Variants in KAT2B observed in about 807,000 individuals in gnomAD.
KAT2B encodes histone acetyltransferase KAT2B.
Under a neutral mutation model 105.9 loss-of-function variants are expected in KAT2B, and 36 were observed. That is an observed-to-expected ratio of 0.34 (90% CI 0.26 to 0.45). The LOEUF (loss-of-function observed/expected upper bound fraction) is 0.45, where lower values mean the gene tolerates loss of function less well. Ranked by LOEUF, KAT2B falls within the 20% of genes least tolerant of loss-of-function variation. The pLI is 1.00. For synonymous variants in KAT2B, 397 were observed against 377.9 expected (o/e 1.05, Z -0.59); for missense variants, 820 against 1,021.6 (o/e 0.80, Z 2.69).
chr3:20,129,641 G>A (rs959920032), intron 11 of KAT2B, among the ~76,000 whole-genome samples: 1 of 152,124 alleles, frequency 6.6e-6, no homozygotes, highest in African/African-American at 2.4e-5. Flanking sequence ...CTCCCCAAGT[G>A]CTGAGATTAC....
intron 5 of KAT2B, among the ~76,000 whole-genome samples, chr3:20,102,972 C>G (rs997016217): frequency 2.6e-5 from 4 of 152,190 alleles, no homozygotes; most frequent in Non-Finnish European, 4.4e-5. Context: ...TGACATTGAC[C>G]TAGTTTCATG....
chr3:20,065,882 A>G (rs1019985848), intron 1 of KAT2B, among the ~76,000 whole-genome samples: 3 of 152,208 alleles, frequency 2.0e-5, no homozygotes, highest in African/African-American at 4.8e-5. Context: ...AGTCTAGTGC[A>G]CCAATATCCA....
rs185232153 is a variant in KAT2B, at chr3:20,063,655, G to T, written c.304-8678G>T. Among the ~76,000 whole-genome samples, 99 of 145,288 alleles carry T rather than the reference G, an allele frequency of 6.8e-4. No homozygotes were observed. In the East Asian group the frequency reaches 0.014, roughly 21 times the overall value. On this transcript the variant is annotated intron_variant, in intron 1 of 17. Transcript: ENST00000263754. The stretch of plus-strand genomic sequence containing the variant: ...CCTCCCAGGTTCAAGCAATTCTCCT[G>T]CCTCAGCCTCCCAAGTAGCTGGGAT...
intron 2 of KAT2B, among the ~76,000 whole-genome samples, chr3:20,076,435 G>T (rs1419509549): frequency 1.3e-5 from 2 of 152,084 alleles, no homozygotes; most frequent in Admixed American, 6.6e-5. Flanking sequence ...TGGAATTATT[G>T]TTGGAATGCC....
At chr3:20,053,992 C>T (rs891464436) in intron 1 of KAT2B, among the ~76,000 whole-genome samples, 8 of 152,004 alleles carry the variant, frequency 5.3e-5, no homozygotes, top group African/African-American at 1.9e-4. Flanking sequence ...GAGATGGGGT[C>T]TCGCCATGTT....
At chr3:20,069,001 A>G (rs890151656) in intron 1 of KAT2B, among the ~76,000 whole-genome samples, 2 of 152,204 alleles carry the variant, frequency 1.3e-5, no homozygotes, top group African/African-American at 2.4e-5. Context: ...CTGACTCTAC[A>G]AAATCTTAGT....
Position 20,044,553 on chromosome 3 carries a change from C to T in KAT2B, c.303+3773C>T, listed in dbSNP as rs1290038021. Among the ~76,000 whole-genome samples, 7 of 152,104 alleles carry T rather than the reference C, an allele frequency of 4.6e-5. No individual in the cohort carries two copies. The East Asian group carries it at 5.8e-4, about 13-fold the overall frequency. On this transcript the variant is annotated intron_variant, in intron 1 of 17. Coordinates refer to ENST00000263754, the MANE Select transcript of KAT2B (RefSeq NM_003884.5). The stretch of plus-strand genomic sequence containing the variant: ...GCTACTGCTATCTGTGGCTCCTTAT[C>T]GAGGGTTCAGGCACATGGTTTCCTT...
intron 7 of KAT2B, 137 bp downstream of exon 7, chr3:20,115,125 A>G: frequency 3.3e-6 from 2 of 610,286 alleles, no homozygotes; most frequent in Non-Finnish European, 5.8e-6. Context: ...CTATTTTCAA[A>G]CCCAATTATA....
At chr3:20,065,727 A>T (rs992965782) in intron 1 of KAT2B, among the ~76,000 whole-genome samples, 2 of 151,788 alleles carry the variant, frequency 1.3e-5, no homozygotes, top group African/African-American at 4.8e-5. Context: ...TGAAACAAGT[A>T]AGGAAAACTC....
Position 20,122,804 on chromosome 3 carries a change from G to A in KAT2B, c.1413G>A (p.Glu471=). Residue 471 remains glutamate (E), a splice_region_variant and synonymous_variant, in exon 9 of 18, where the codon GAG becomes GAA. Transcript: ENST00000263754. ...ITDPAAMLGP[E]TNFLSAHSAR... ...ACCCTGCAGCAATGCTTGGACCAGA[G>A]GTCAGCAGGGTAAACCTGGGCAGCC... 1 of 1,609,476 alleles carries A rather than the reference G, an allele frequency of 6.2e-7. No homozygotes were observed. Among genetic ancestry groups the A allele is most frequent in the Non-Finnish European group, 8.5e-7 (1 of 1,177,096 alleles).
chr3:20,129,760 A>G (rs1699476416), intron 11 of KAT2B, among the ~76,000 whole-genome samples: 1 of 152,182 alleles, frequency 6.6e-6, no homozygotes, highest in African/African-American at 2.4e-5. Context: ...AGTGCTTGAT[A>G]GGCACGTGTG....
In KAT2B at chr3:20,072,336, G is replaced by A. The variant is rs771888629; in HGVS notation, c.307G>A (p.Glu103Lys). Residue 103 changes from glutamate (E) to lysine (K), a missense_variant, in exon 2 of 18, where the codon GAG (glutamate) becomes AAG (lysine). Physicochemically the swap from Glu to Lys is moderately conservative, Grantham distance 56. Transcript: ENST00000263754. ...TCTTTCTTTATTCCATTTTTAGGCCGAGGAGTCTTGTAAATGTAATGGCTG... is the reference window on the plus strand; with the variant it reads ...TCTTTCTTTATTCCATTTTTAGGCCAAGGAGTCTTGTAAATGTAATGGCTG... ...KLGVYSACKA[E>K]ESCKCNGWKN... 6.8e-6 allele frequency: 11 copies of A among 1,613,308 alleles called. No homozygotes were observed. The highest frequency in any genetic ancestry group is 2.7e-5 in the African/African-American group (2 of 74,846).
chr3:20,040,531 A>AGGGGCC lies in KAT2B; in HGVS notation c.58_63dup (p.Ala20_Gly21dup), dbSNP rs1697692421. 1 of 1,003,356 alleles carries AGGGGCC rather than the reference A, an allele frequency of 1.0e-6. No individual in the cohort carries two copies. Among genetic ancestry groups the AGGGGCC allele is most frequent in the Admixed American group, 5.8e-5 (1 of 17,106 alleles). 62.2% of individuals were successfully genotyped at this position (1,003,356 alleles called of 1,614,324 possible). A position where few individuals can be genotyped will look rare whatever the true frequency, so the allele number is the denominator to read the frequency against. On this transcript the variant is annotated inframe_insertion, in exon 1 of 18. Transcript: ENST00000263754. ...GCGGCTGCGGGGCAGGAGCCGGGGC[A>AGGGGCC]GGGGCCGGGCCCGGGGCGCTGCCCC...
intron 5 of KAT2B, among the ~76,000 whole-genome samples, chr3:20,108,144 A>G (rs978632990): frequency 1.4e-4 from 21 of 152,288 alleles, no homozygotes; most frequent in African/African-American, 5.1e-4. Context: ...ATCTTAATTC[A>G]GTAGCTAAAT....
chr3:20,103,747 C>G (rs1314977410), intron 5 of KAT2B, among the ~76,000 whole-genome samples: 1 of 152,104 alleles, frequency 6.6e-6, no homozygotes, highest in Non-Finnish European at 1.5e-5. Context: ...GCAAGGCAGC[C>G]TTTGAGAATT....
intron 2 of KAT2B, among the ~76,000 whole-genome samples, 164 bp from the exon 3 acceptor site, chr3:20,095,099 G>A (rs1332968786): frequency 6.6e-6 from 1 of 152,186 alleles, no homozygotes; most frequent in Non-Finnish European, 1.5e-5. Flanking sequence ...GGTAGATTTT[G>A]TGAGAAGACT....
chr3:20,135,357 G>A (rs1022358437), intron 11 of KAT2B, among the ~76,000 whole-genome samples: 1 of 151,952 alleles, frequency 6.6e-6, no homozygotes, highest in African/African-American at 2.4e-5. Flanking sequence ...AAAAAACTCC[G>A]AAAAAAGTGA....
intron 7 of KAT2B, among the ~76,000 whole-genome samples, chr3:20,118,747 AGAG>A (rs1262194709): frequency 3.9e-5 from 3 of 76,226 alleles, no homozygotes; most frequent in African/African-American, 1.1e-4. Context: ...AAAAAAAAAA[AGAG>A]AGAGAGCGAA....
intron 14 of KAT2B, among the ~76,000 whole-genome samples, chr3:20,146,930 A>G (rs1699791837): frequency 1.3e-5 from 2 of 152,198 alleles, no homozygotes; most frequent in South Asian, 4.1e-4. Flanking sequence ...CCAAACTTCT[A>G]AAAAATACTA....
Sources: allele counts gnomAD v4.1 joint callset (sites outside exome capture counted in the v4.1 genomes callset), GRCh38; gene constraint gnomAD v4.1.1; transcripts MANE v1.5; gene names NCBI Gene and HGNC (gene_info 2026-07-23, HGNC 2026-07-21).